TRIM24: variants seen among roughly 807,000 people sequenced by gnomAD.
The protein encoded by TRIM24 is tripartite motif containing 24.
Under a neutral mutation model 123.9 loss-of-function variants are expected in TRIM24, and 29 were observed. That is an observed-to-expected ratio of 0.23 (90% CI 0.17 to 0.32). The LOEUF (loss-of-function observed/expected upper bound fraction) is 0.32, where lower values mean the gene tolerates loss of function less well. Among genes scored for constraint, TRIM24 ranks in the 10% least tolerant of loss-of-function variants. The pLI, the probability that TRIM24 is intolerant of heterozygous loss-of-function variation, is 1.00. For missense variants in TRIM24, 932 were observed against 1,295.3 expected (o/e 0.72, Z 4.31); for synonymous variants, 456 against 461.1 (o/e 0.99, Z 0.14).
intron 17 of TRIM24, among the ~76,000 whole-genome samples, chr7:138,582,967 T>C (rs1797934614): frequency 6.6e-6 from 1 of 152,240 alleles, no homozygotes; most frequent in African/African-American, 2.4e-5. Flanking sequence ...TTGTACTTTT[T>C]ATTATCCTGG....
Position 138,583,968 on chromosome 7 carries a change from T to G in TRIM24, c.2912T>G (p.Leu971Trp). The stretch of plus-strand genomic sequence containing the variant: ...GAAGATTTTGTAGCTGATTTTAGAT[T>G]GATCTTTCAAAACTGTGCTGAATTC... ...KPEDFVADFRLIFQNCAEFNE... is the reference protein window; with the variant it reads ...KPEDFVADFRWIFQNCAEFNE... The change falls in exon 18 of 19, where the codon TTG becomes TGG. Residue 971 changes from leucine to tryptophan, a missense_variant. Around this residue, in one of 7 missense-constraint regions of TRIM24, gnomAD observed 104 missense variants for 121.5 expected, o/e 0.86. Coordinates refer to ENST00000343526, the MANE Select transcript of TRIM24 (RefSeq NM_015905.3). 6.2e-7 allele frequency: 1 copy of G among 1,609,892 alleles called. No individual in the cohort carries two copies. Among genetic ancestry groups the G allele is most frequent in the Non-Finnish European group, 8.5e-7 (1 of 1,178,852 alleles).
intron 2 of TRIM24, among the ~76,000 whole-genome samples, chr7:138,513,771 A>G (rs1796337882): frequency 6.6e-6 from 1 of 152,246 alleles, no homozygotes; most frequent in African/African-American, 2.4e-5. Flanking sequence ...AATAAGCAGT[A>G]GCATTACACA....
At chr7:138,556,763 C>T (rs953480470) in intron 9 of TRIM24, among the ~76,000 whole-genome samples, 1 of 152,164 alleles carries the variant, frequency 6.6e-6, no homozygotes, top group African/African-American at 2.4e-5. Flanking sequence ...TGCCTTGTTG[C>T]AGGAATCAGA....
intron 9 of TRIM24, among the ~76,000 whole-genome samples, chr7:138,557,324 A>G (rs1797335199): frequency 6.6e-6 from 1 of 152,146 alleles, no homozygotes; most frequent in South Asian, 2.1e-4. Flanking sequence ...AATGAAGTTT[A>G]ATGGAAAGCA....
Position 138,570,861 on chromosome 7 carries a change from C to T in TRIM24, c.1736C>T (p.Ser579Leu). Residue 579 changes from serine to leucine, a missense_variant, in exon 11 of 19, where the codon TCA becomes TTA. Coordinates refer to ENST00000343526, the MANE Select transcript of TRIM24 (RefSeq NM_015905.3). ...WQISSGQGTP[S>L]TTNSTSSTPS... The stretch of plus-strand genomic sequence containing the variant: ...ATCAGCAGTGGACAGGGAACCCCAT[C>T]AACTACCAACAGCACATCCTCTACT... 6.2e-7 allele frequency: 1 copy of T among 1,614,060 alleles called. No individual in the cohort carries two copies. Among genetic ancestry groups the T allele is most frequent in the Non-Finnish European group, 8.5e-7 (1 of 1,179,996 alleles).
At chr7:138,556,246 A>G (rs540852894) in intron 9 of TRIM24, 1 of 151,994 alleles carries the variant, frequency 6.6e-6, no homozygotes, top group Non-Finnish European at 1.5e-5. Flanking sequence ...CTCTAATATT[A>G]TTTTTCTACT....
At chr7:138,576,246 A>G (rs1167767290) in intron 12 of TRIM24, 127 bp from the exon 13 acceptor site, 7 of 894,196 alleles carry the variant, frequency 7.8e-6, no homozygotes, top group Non-Finnish European at 1.3e-5. Flanking sequence ...TTCAGCAACT[A>G]CTTACTGTTT....
intron 7 of TRIM24, among the ~76,000 whole-genome samples, chr7:138,540,889 A>G (rs1796989608): frequency 6.6e-6 from 1 of 152,114 alleles, no homozygotes; most frequent in East Asian, 1.9e-4. Context: ...CCTAGGCTGG[A>G]GTGCAGTGGT....
chr7:138,508,694 C>CGCGCGCGCGCGG (rs1376359515), intron 2 of TRIM24, among the ~76,000 whole-genome samples: 1 of 30,632 alleles, frequency 3.3e-5, no homozygotes. Context: ...TGTGTGTGTG[C>CGCGCGCGCGCGG]GCGCGCGTGT....
At chr7:138,579,638 T>G in intron 15 of TRIM24, 106 bp downstream of exon 15, 2 of 885,364 alleles carry the variant, frequency 2.3e-6, no homozygotes, top group Admixed American at 2.8e-5. Context: ...TTGGCACAAG[T>G]GTATACTCCA....
chr7:138,485,284 A>G (rs1446870666), intron 1 of TRIM24, among the ~76,000 whole-genome samples: 1 of 152,100 alleles, frequency 6.6e-6, no homozygotes, highest in Admixed American at 6.6e-5. Context: ...CTGTGGCATT[A>G]AGTACATTCA....
At chr7:138,487,176 G>A (rs1375678120) in intron 1 of TRIM24, among the ~76,000 whole-genome samples, 2 of 152,106 alleles carry the variant, frequency 1.3e-5, no homozygotes, top group East Asian at 3.8e-4. Flanking sequence ...TGTGATTTTT[G>A]CACCTTGATT....
chr7:138,536,284 G>T (rs1265807372), intron 6 of TRIM24, among the ~76,000 whole-genome samples: 1 of 152,206 alleles, frequency 6.6e-6, no homozygotes, highest in African/African-American at 2.4e-5. Flanking sequence ...TGGAGGGGGA[G>T]AGGCGCTCTG....
In TRIM24 at chr7:138,519,200, G is replaced by A. The variant is rs1278183201; in HGVS notation, c.643G>A (p.Val215Ile). The change falls in exon 4 of 19, where the codon GTC becomes ATC. Residue 215 changes from valine (V) to isoleucine (I), a missense_variant. Physicochemically the swap from Val to Ile is conservative, Grantham distance 29. This residue lies in a region of TRIM24 where 74 missense variants were observed against 163.6 expected (regional missense o/e 0.45). Transcript: ENST00000343526. Reference sequence around the variant, plus strand: ...CATTGTTTCTGCAGAGGCAGTTGGTGTCACCAGCCAGCGACCAGTGTTTTG... The same window carrying A: ...CATTGTTTCTGCAGAGGCAGTTGGTATCACCAGCCAGCGACCAGTGTTTTG... ...KEEVSPEAVGVTSQRPVFCPF... is the reference protein window; with the variant it reads ...KEEVSPEAVGITSQRPVFCPF... 2 of 1,614,124 alleles carry A rather than the reference G, an allele frequency of 1.2e-6. No individual in the cohort carries two copies. Among genetic ancestry groups the A allele is most frequent in the Admixed American group, 3.3e-5 (2 of 60,022 alleles).
At chr7:138,504,100 A>G (rs113131772) in intron 1 of TRIM24, among the ~76,000 whole-genome samples, 190 bp from the exon 2 acceptor site, 3,244 of 152,306 alleles carry the variant, frequency 0.021, 94 homozygotes, top group African/African-American at 0.071. Flanking sequence ...TTTATTTATC[A>G]TTTAATATTT....
At chr7:138,581,091 T>G (rs1320083085) in intron 16 of TRIM24, among the ~76,000 whole-genome samples, 2 of 152,204 alleles carry the variant, frequency 1.3e-5, no homozygotes, top group African/African-American at 4.8e-5. Flanking sequence ...GGACTAGACT[T>G]ATGCATCAAA....
chr7:138,509,758 A>G (rs1410378989), intron 2 of TRIM24, among the ~76,000 whole-genome samples: 1 of 151,816 alleles, frequency 6.6e-6, no homozygotes, highest in African/African-American at 2.4e-5. Flanking sequence ...TAGACTAGAT[A>G]TAAGATTTTC....
At chr7:138,466,550 C>T (rs972739706) in intron 1 of TRIM24, among the ~76,000 whole-genome samples, 6 of 138,066 alleles carry the variant, frequency 4.3e-5, no homozygotes, top group African/African-American at 1.4e-4. Context: ...CTGCAACCTC[C>T]GCCATGTTGC....
At chr7:138,527,691 TTAATC>T (rs1264913280) in intron 5 of TRIM24, among the ~76,000 whole-genome samples, 1 of 152,186 alleles carries the variant, frequency 6.6e-6, no homozygotes, top group African/African-American at 2.4e-5. Context: ...AGCTTTTAAT[TTAATC>T]TCACAAAGTT....
Sources: gnomAD v4.1 joint callset for allele counts (sites outside exome capture counted in the v4.1 genomes callset) on GRCh38, gnomAD v4.1.1 for gene constraint, gnomAD v4.1.1 regional missense constraint, MANE v1.5 for transcripts, NCBI Gene and HGNC (gene_info 2026-07-23, HGNC 2026-07-21) for gene names.